PHACTR3: variants seen among roughly 807,000 people sequenced by gnomAD.
PHACTR3 encodes the protein phosphatase and actin regulator 3, also known as protein phosphatase 1, regulatory subunit 123.
Under a neutral mutation model 66.8 loss-of-function variants are expected in PHACTR3, and 16 were observed. That is an observed-to-expected ratio of 0.24 (90% CI 0.16 to 0.36). The LOEUF (loss-of-function observed/expected upper bound fraction) is 0.36. Ranked by LOEUF, PHACTR3 falls within the 10% of genes least tolerant of loss-of-function variation. The pLI is 1.00. For synonymous variants in PHACTR3, 323 were observed against 292.1 expected (o/e 1.11, Z -1.08); for missense variants, 647 against 719.9 (o/e 0.90, Z 1.16).
chr20:59,754,232 C>A (rs541548801), intron 3 of PHACTR3, among the ~76,000 whole-genome samples: 8 of 152,214 alleles, frequency 5.3e-5, no homozygotes, highest in Non-Finnish European at 1.0e-4. Context: ...AAGGTGCAAA[C>A]CCAGGGATGG....
intron 7 of PHACTR3, among the ~76,000 whole-genome samples, chr20:59,785,287 G>A (rs1423659288): frequency 6.6e-6 from 1 of 152,164 alleles, no homozygotes. Flanking sequence ...TGAGTACTCT[G>A]GCCTCTGTTT....
At chr20:59,691,604 T>A (rs2037109573) in intron 1 of PHACTR3, among the ~76,000 whole-genome samples, 1 of 152,206 alleles carries the variant, frequency 6.6e-6, no homozygotes, top group African/African-American at 2.4e-5. Flanking sequence ...CATACCTTAT[T>A]CCTCTTGCAG....
rs1057154852 is a variant in PHACTR3 at position 59,703,198 on chromosome 20, C to CT, written c.119-39901dup. Among the ~76,000 whole-genome samples the CT allele has an allele frequency of 8.8e-4, 134 of 151,880 alleles. 3 individuals carry two copies. The highest frequency in any genetic ancestry group is 2.9e-3 in the African/African-American group (122 of 41,394). On this transcript the variant is annotated intron_variant, in intron 1 of 12. Transcript: ENST00000371015. ...GTCAGTACTTCCAAGCATGAATAGC[C>CT]TTTTTTTTCGGTATGGTGAATTATC...
At chr20:59,841,653 C>T in intron 11 of PHACTR3, 118 bp downstream of exon 11, 1 of 1,029,004 alleles carries the variant, frequency 9.7e-7, no homozygotes. Flanking sequence ...GGGTATACTG[C>T]AGTAAATATT....
intron 1 of PHACTR3, among the ~76,000 whole-genome samples, chr20:59,697,896 T>TG (rs2037358302): frequency 1.3e-5 from 2 of 152,198 alleles, no homozygotes. Context: ...GGCAAACACA[T>TG]GTGGAAACAG....
rs562535204 is a variant in PHACTR3 at position 59,696,463 on chromosome 20, G to A, written c.119-46644G>A. 1.3e-3 allele frequency among the ~76,000 whole-genome samples: 197 copies of A among 152,228 alleles called. 2 individuals carry two copies. The highest frequency in any genetic ancestry group is 4.5e-3 in the African/African-American group (189 of 41,542). On this transcript the variant is annotated intron_variant, in intron 1 of 12. Coordinates refer to ENST00000371015, the MANE Select transcript of PHACTR3 (RefSeq NM_080672.5). ...GATACTTTTCATGTGGTTGACCCATGGCAGAAGGAAGGACCTGTGTCATCC... is the reference window on the plus strand; with the variant it reads ...GATACTTTTCATGTGGTTGACCCATAGCAGAAGGAAGGACCTGTGTCATCC...
At chr20:59,760,724 C>T (rs561270012) in intron 4 of PHACTR3, among the ~76,000 whole-genome samples, 2 of 152,126 alleles carry the variant, frequency 1.3e-5, no homozygotes. Flanking sequence ...GCCACACCAG[C>T]AACAGAGCAT....
At chr20:59,580,508 A>G (rs900480598) in intron 1 of PHACTR3, among the ~76,000 whole-genome samples, 2 of 151,868 alleles carry the variant, frequency 1.3e-5, no homozygotes, top group Non-Finnish European at 2.9e-5. Context: ...ATTCTTCCAG[A>G]CTTCGAAGTC....
At chr20:59,581,485 C>T (rs1568914008) in intron 1 of PHACTR3, among the ~76,000 whole-genome samples, 1 of 152,230 alleles carries the variant, frequency 6.6e-6, no homozygotes, top group Non-Finnish European at 1.5e-5. Flanking sequence ...ACGCAGCTGT[C>T]ACCCCATTAC....
chr20:59,613,451 A>G (rs2033926385), intron 1 of PHACTR3, among the ~76,000 whole-genome samples: 1 of 152,212 alleles, frequency 6.6e-6, no homozygotes, highest in South Asian at 2.1e-4. Flanking sequence ...AGCACTGCCC[A>G]GTGACACCCA....
intron 1 of PHACTR3, among the ~76,000 whole-genome samples, chr20:59,705,993 A>T (rs1330872942): frequency 6.6e-6 from 1 of 152,182 alleles, no homozygotes; most frequent in Non-Finnish European, 1.5e-5. Context: ...GTGAGCAGAA[A>T]GAGCCCACAC....
chr20:59,679,157 T>A (rs1271295649), intron 1 of PHACTR3, among the ~76,000 whole-genome samples: 1 of 152,216 alleles, frequency 6.6e-6, no homozygotes, highest in Non-Finnish European at 1.5e-5. Context: ...TCAGTTGTTG[T>A]GTATCCTGTC....
intron 1 of PHACTR3, among the ~76,000 whole-genome samples, chr20:59,617,905 T>G (rs1032753007): frequency 6.6e-6 from 1 of 152,208 alleles, no homozygotes; most frequent in African/African-American, 2.4e-5. Flanking sequence ...ACCGACCTGT[T>G]GCCTCATCCT....
At chr20:59,657,257 T>TTGTGTGTG (rs112043545) in intron 1 of PHACTR3, among the ~76,000 whole-genome samples, 174 of 150,206 alleles carry the variant, frequency 1.2e-3, no homozygotes, top group South Asian at 8.4e-4. Context: ...TAGAAGTGTG[T>TTGTGTGTG]TGTGTGTGTG....
chr20:59,639,430 G>A (rs1338053297), intron 1 of PHACTR3, among the ~76,000 whole-genome samples: 2 of 152,176 alleles, frequency 1.3e-5, no homozygotes, highest in Non-Finnish European at 2.9e-5. Flanking sequence ...GGGGAAGGCT[G>A]TACTGACCAC....
rs1164022380 is a variant in PHACTR3, at chr20:59,642,207, C to A, written c.118+37075C>A. The stretch of plus-strand genomic sequence containing the variant: ...AAAGACTTAGACATGGACAAGGATG[C>A]CACCCCAGCTTACCCTTCCTCTAGT... On this transcript the variant is annotated intron_variant, in intron 1 of 12. Transcript: ENST00000371015. Among the ~76,000 whole-genome samples, 3 of 152,226 alleles carry A rather than the reference C, an allele frequency of 2.0e-5. No individual in the cohort carries two copies. In the East Asian group the frequency reaches 5.8e-4, roughly 29 times the overall value.
At chr20:59,747,029 A>G (rs1036550169) in intron 2 of PHACTR3, among the ~76,000 whole-genome samples, 1 of 152,184 alleles carries the variant, frequency 6.6e-6, no homozygotes, top group Non-Finnish European at 1.5e-5. Context: ...TTCCTGACGG[A>G]AGGAAGAAGA....
chr20:59,658,323 G>A (rs1352845375), intron 1 of PHACTR3, among the ~76,000 whole-genome samples: 2 of 151,202 alleles, frequency 1.3e-5, no homozygotes, highest in African/African-American at 2.4e-5. Flanking sequence ...AGCTTCTTTT[G>A]AATGCTTTTT....
At position 59,829,186 on chromosome 20, in the gene PHACTR3, C is replaced by T. The variant is rs899578441; in HGVS notation, c.1329-7319C>T. Among the ~76,000 whole-genome samples the T allele has an allele frequency of 5.3e-5, 8 of 152,088 alleles. No homozygotes were observed. The highest frequency in any genetic ancestry group is 2.6e-4 in the Admixed American group (4 of 15,286). ...AGAGTGCCTGGAGTCACATCCTCCC[C>T]GGCATCCCAGAAGTCAGGACTGCTG... is the stretch of plus-strand genomic sequence containing the variant. On this transcript the variant is annotated intron_variant, in intron 8 of 12. Coordinates refer to ENST00000371015, the MANE Select transcript of PHACTR3 (RefSeq NM_080672.5). The surrounding 1 kb of genome is among the most constrained non-coding windows in gnomAD (Gnocchi z 4.2).
Sources: gnomAD v4.1 joint callset for allele counts (sites outside exome capture counted in the v4.1 genomes callset) on GRCh38, gnomAD v4.1.1 for gene constraint, Gnocchi (gnomAD v3.1) non-coding constraint, MANE v1.5 for transcripts, NCBI Gene and HGNC (gene_info 2026-07-23, HGNC 2026-07-21) for gene names.